MALRD1: variants seen among roughly 807,000 people sequenced by gnomAD.
The protein encoded by MALRD1 is MAM and LDL-receptor class A domain-containing protein 1.
MALRD1 carries 247 observed loss-of-function variants against 242.1 expected under a neutral mutation model. The ratio of observed to expected loss-of-function variants is 1.02; its 90% CI spans 0.92 to 1.13. MALRD1 has a LOEUF of 1.13. Among genes scored for constraint, MALRD1 ranks in the 50% most tolerant of loss-of-function variants. The pLI is 0.00. For synonymous variants in MALRD1, 995 were observed against 866.6 expected (o/e 1.15, Z -2.60); for missense variants, 2,989 against 2,533.1 (o/e 1.18, Z -3.86).
chr10:19,539,422 T>C (rs1834831890), intron 32 of MALRD1, among the ~76,000 whole-genome samples: 1 of 152,248 alleles, frequency 6.6e-6, no homozygotes, highest in African/African-American at 2.4e-5. Flanking sequence ...AATATTGTCT[T>C]ATATTTTCTA....
chr10:19,351,034 T>C (rs147061491), intron 25 of MALRD1, among the ~76,000 whole-genome samples: 1 of 152,322 alleles, frequency 6.6e-6, no homozygotes, highest in African/African-American at 2.4e-5. Context: ...AGTTGGGAGA[T>C]GGGTAGAGTC....
chr10:19,647,693 T>C (rs1460616611), intron 36 of MALRD1, among the ~76,000 whole-genome samples: 1 of 152,166 alleles, frequency 6.6e-6, no homozygotes, highest in African/African-American at 2.4e-5. Context: ...GATATTGACA[T>C]CTTATGTGTC....
At chr10:19,318,974 T>TAC (rs5783665) in intron 21 of MALRD1, among the ~76,000 whole-genome samples, 15,151 of 148,970 alleles carry the variant, frequency 0.1, 819 homozygotes, top group East Asian at 0.17. Context: ...TACACAGACA[T>TAC]ACACACACAC....
intron 36 of MALRD1, among the ~76,000 whole-genome samples, chr10:19,644,423 C>T (rs1265918146): frequency 4.9e-4 from 1 of 2,040 alleles, no homozygotes; most frequent in Non-Finnish European, 1.2e-3. Flanking sequence ...CCTTATCAGT[C>T]TACTTTGCTA....
chr10:19,137,607 G>GAAAAAAAAAAAAAAAAAAAAAA (rs34768480), intron 10 of MALRD1, among the ~76,000 whole-genome samples: 1 of 84,448 alleles, frequency 1.2e-5, no homozygotes, highest in Non-Finnish European at 2.3e-5. Context: ...GACTCCGTCT[G>GAAAAAAAAAAAAAAAAAAAAAA]AAAAAAAAAA....
intron 28 of MALRD1, among the ~76,000 whole-genome samples, chr10:19,399,485 T>A (rs1846733712): frequency 6.6e-6 from 1 of 152,208 alleles, no homozygotes; most frequent in Non-Finnish European, 1.5e-5. Flanking sequence ...AGGGTAGAAT[T>A]GCTTATCAGT....
At chr10:19,282,988 C>G in intron 20 of MALRD1, 31 bp from the exon 21 acceptor site, 3 of 1,470,416 alleles carry the variant, frequency 2.0e-6, no homozygotes, top group African/African-American at 1.4e-5. Context: ...CACTTACTAG[C>G]TCACCTTTTC....
intron 28 of MALRD1, among the ~76,000 whole-genome samples, chr10:19,428,197 C>G (rs1397591621): frequency 6.6e-6 from 1 of 151,548 alleles, no homozygotes; most frequent in Non-Finnish European, 1.5e-5. Context: ...GGTGGATGAT[C>G]TCCAAGCGTT....
rs534998446 is a variant in MALRD1, at chr10:19,470,955, T to G, written c.5029+20465T>G. Among the ~76,000 whole-genome samples, 6 of 152,092 alleles carry G rather than the reference T, an allele frequency of 3.9e-5. No individual in the cohort carries two copies. In the East Asian group the frequency reaches 9.7e-4, roughly 24 times the overall value. On this transcript the variant is annotated intron_variant, in intron 29 of 39. Coordinates refer to ENST00000454679, the MANE Select transcript of MALRD1 (RefSeq NM_001142308.3). ...GCTTTTCAGTTTGATGTAGTCTTAC[T>G]TGTTTATTTTTGTTTTTGTTGCCTT...
intron 36 of MALRD1, among the ~76,000 whole-genome samples, chr10:19,691,860 A>G (rs1842834525): frequency 6.6e-6 from 1 of 152,140 alleles, no homozygotes. Flanking sequence ...GTTTGTATTT[A>G]TGGTAATGTA....
At chr10:19,580,818 C>T (rs1279033372) in intron 33 of MALRD1, among the ~76,000 whole-genome samples, 1 of 152,142 alleles carries the variant, frequency 6.6e-6, no homozygotes, top group African/African-American at 2.4e-5. Context: ...TCTTGTCTCT[C>T]TGTCTGGCTT....
chr10:19,430,670 C>A (rs910523321), intron 28 of MALRD1, among the ~76,000 whole-genome samples: 2 of 152,110 alleles, frequency 1.3e-5, no homozygotes, highest in African/African-American at 4.8e-5. Flanking sequence ...ATGTGACACC[C>A]AGCTCTATTG....
intron 21 of MALRD1, among the ~76,000 whole-genome samples, chr10:19,318,686 T>C (rs1260696874): frequency 6.6e-6 from 1 of 151,968 alleles, no homozygotes; most frequent in Non-Finnish European, 1.5e-5. Flanking sequence ...TTACGTTTTA[T>C]TTTTTCCCCA....
At chr10:19,604,418 A>C (rs1162815772) in intron 34 of MALRD1, among the ~76,000 whole-genome samples, 6 of 152,148 alleles carry the variant, frequency 3.9e-5, no homozygotes. Context: ...TCTATGGCAA[A>C]GTTCTAACTA....
rs934067736 is a variant in MALRD1 at position 19,166,391 on chromosome 10, A to G, written c.1830+581A>G. Among the ~76,000 whole-genome samples the G allele has an allele frequency of 2.6e-5, 4 of 152,212 alleles. No homozygotes were observed. The East Asian group carries it at 7.7e-4, about 29-fold the overall frequency. ...ACTAAAAAGTTGATCTCATGGAGGTAGAGAGGAGAATGGTGGTTACTAGAG... is the reference window on the plus strand; with the variant it reads ...ACTAAAAAGTTGATCTCATGGAGGTGGAGAGGAGAATGGTGGTTACTAGAG... On this transcript the variant is annotated intron_variant, in intron 13 of 39. Transcript: ENST00000454679.
chr10:19,623,701 A>G (rs1839510271), intron 36 of MALRD1, among the ~76,000 whole-genome samples: 1 of 152,262 alleles, frequency 6.6e-6, no homozygotes, highest in African/African-American at 2.4e-5. Context: ...TCCCATCTCA[A>G]GAAGGAACCA....
At chr10:19,196,297 A>G (rs1007290447) in intron 14 of MALRD1, among the ~76,000 whole-genome samples, 8 of 152,072 alleles carry the variant, frequency 5.3e-5, no homozygotes, top group African/African-American at 1.4e-4. Context: ...TTTCTTTTAT[A>G]TTACTCAAAA....
intron 35 of MALRD1, among the ~76,000 whole-genome samples, chr10:19,609,757 T>C (rs1053537190): frequency 1.3e-5 from 2 of 152,132 alleles, no homozygotes; most frequent in African/African-American, 4.8e-5. Flanking sequence ...AGCATTTGTC[T>C]GGCTAAATCT....
intron 21 of MALRD1, among the ~76,000 whole-genome samples, chr10:19,288,447 A>G (rs1030652017): frequency 2.0e-5 from 3 of 151,888 alleles, no homozygotes; most frequent in Non-Finnish European, 4.4e-5. Flanking sequence ...GCCTCCTGCT[A>G]CCCTTCCCAG....
Sources: gnomAD v4.1 joint callset for allele counts (sites outside exome capture counted in the v4.1 genomes callset) on GRCh38, gnomAD v4.1.1 for gene constraint, MANE v1.5 for transcripts, NCBI Gene and HGNC (gene_info 2026-07-23, HGNC 2026-07-21) for gene names.